GOT1: variants seen among roughly 807,000 people sequenced by gnomAD.
The protein encoded by GOT1 is glutamic-oxaloacetic transaminase 1, also known as aspartate aminotransferase, cytoplasmic.
A neutral mutation model predicts 48.2 loss-of-function variants in GOT1; 25 were observed. The ratio of observed to expected loss-of-function variants is 0.52; its 90% CI spans 0.38 to 0.72. The LOEUF (loss-of-function observed/expected upper bound fraction) is 0.72. Among genes scored for constraint, GOT1 ranks in the 30% least tolerant of loss-of-function variants. The probability of loss-of-function intolerance (pLI) is 0.00; values close to 1 mark genes in which losing one functional copy is unlikely to be tolerated. For missense variants in GOT1, 380 were observed against 520.1 expected, an observed-to-expected ratio of 0.73 and a Z score of 2.62; for synonymous variants, 188 against 193.8, an observed-to-expected ratio of 0.97 and a Z score of 0.25.
chr10:99,423,549 CT>C (rs1215320042), intron 1 of GOT1, among the ~76,000 whole-genome samples: 1 of 152,230 alleles, frequency 6.6e-6, no homozygotes, highest in Non-Finnish European at 1.5e-5. Flanking sequence ...GGGCTACAGA[CT>C]GACAGAGCCA....
At chr10:99,407,809 T>G (rs569792724) in intron 2 of GOT1, among the ~76,000 whole-genome samples, 1 of 151,856 alleles carries the variant, frequency 6.6e-6, no homozygotes, top group African/African-American at 2.4e-5. Context: ...ATTTATTTAT[T>G]TTACTTTAAG....
chr10:99,407,081 C>G (rs2032769299), intron 2 of GOT1, among the ~76,000 whole-genome samples: 1 of 152,152 alleles, frequency 6.6e-6, no homozygotes, highest in Non-Finnish European at 1.5e-5. Context: ...TCAAAGTTAC[C>G]AGCTACTGAG....
chr10:99,415,637 C>A (rs192509533), intron 2 of GOT1, among the ~76,000 whole-genome samples: 1 of 151,916 alleles, frequency 6.6e-6, no homozygotes, highest in Non-Finnish European at 1.5e-5. Flanking sequence ...GAGACACAAC[C>A]AAAAAAGAGA....
intron 2 of GOT1, among the ~76,000 whole-genome samples, chr10:99,411,237 T>C (rs770676521): frequency 2.6e-5 from 4 of 152,228 alleles, no homozygotes; most frequent in Non-Finnish European, 5.9e-5. Context: ...TTATGACCCA[T>C]GAGCCCTCCT....
intron 2 of GOT1, among the ~76,000 whole-genome samples, chr10:99,408,591 C>T (rs1047455735): frequency 6.6e-6 from 1 of 152,126 alleles, no homozygotes; most frequent in Non-Finnish European, 1.5e-5. Flanking sequence ...TGGTGGCACA[C>T]ACCTGTAATC....
intron 8 of GOT1, among the ~76,000 whole-genome samples, chr10:99,401,583 C>A (rs2032679409): frequency 6.6e-6 from 1 of 151,836 alleles, no homozygotes; most frequent in Non-Finnish European, 1.5e-5. Flanking sequence ...AGGAGAATAA[C>A]CTGAAGCCGG....
chr10:99,421,282 C>A (rs1005009516), intron 1 of GOT1, among the ~76,000 whole-genome samples: 11 of 152,184 alleles, frequency 7.2e-5, no homozygotes, highest in African/African-American at 2.7e-4. Flanking sequence ...AACCTGGCAC[C>A]TTTAACACAA....
chr10:99,424,738 TA>T (rs927281424), intron 1 of GOT1, among the ~76,000 whole-genome samples: 52 of 151,436 alleles, frequency 3.4e-4, no homozygotes, highest in African/African-American at 1.2e-3. Flanking sequence ...ATACTGTGAC[TA>T]AAAAAAAACT....
chr10:99,405,945 G>A, intron 4 of GOT1, 85 bp from the exon 5 acceptor site: 1 of 843,960 alleles, frequency 1.2e-6, no homozygotes, highest in Non-Finnish European at 2.1e-6. Context: ...AGTGATGGAG[G>A]GCAAAGGGCA....
chr10:99,421,771 A>G (rs1280432598), intron 1 of GOT1, among the ~76,000 whole-genome samples: 2 of 152,078 alleles, frequency 1.3e-5, no homozygotes, highest in African/African-American at 2.4e-5. Context: ...GGTCCTCAAT[A>G]ATCCTACACT....
intron 2 of GOT1, among the ~76,000 whole-genome samples, chr10:99,412,563 T>A (rs2032840455): frequency 6.6e-6 from 1 of 151,826 alleles, no homozygotes; most frequent in African/African-American, 2.4e-5. Flanking sequence ...CTCTGCAGAC[T>A]TAAATGTCCC....
At chr10:99,427,923 C>A (rs2033061933) in intron 1 of GOT1, among the ~76,000 whole-genome samples, 1 of 152,220 alleles carries the variant, frequency 6.6e-6, no homozygotes, top group Non-Finnish European at 1.5e-5. Context: ...GAGTTGTGAG[C>A]ATTCAGTGAG....
chr10:99,400,287 T>C (rs1200286498), intron 8 of GOT1, among the ~76,000 whole-genome samples: 2 of 152,240 alleles, frequency 1.3e-5, no homozygotes, highest in Admixed American at 6.5e-5. Flanking sequence ...ATGTGAGAAT[T>C]GTAGAAACTA....
intron 1 of GOT1, among the ~76,000 whole-genome samples, chr10:99,423,865 A>G (rs2033003324): frequency 6.6e-6 from 1 of 151,830 alleles, no homozygotes; most frequent in African/African-American, 2.4e-5. Context: ...TTTGTTGCCC[A>G]GGCTGGTCTC....
At chr10:99,405,941 G>A in intron 4 of GOT1, 81 bp from the exon 5 acceptor site, 1 of 860,256 alleles carries the variant, frequency 1.2e-6, no homozygotes, top group Non-Finnish European at 2.0e-6. Context: ...GGTCAGTGAT[G>A]GAGGGCAAAG....
At chr10:99,413,713 G>C (rs1418078454) in intron 2 of GOT1, among the ~76,000 whole-genome samples, 7 of 152,146 alleles carry the variant, frequency 4.6e-5, no homozygotes, top group Non-Finnish European at 1.0e-4. Flanking sequence ...ACCCACAAAG[G>C]GAAGCCCGTC....
At chr10:99,418,505 T>C (rs1281760667) in intron 2 of GOT1, among the ~76,000 whole-genome samples, 1 of 150,738 alleles carries the variant, frequency 6.6e-6, no homozygotes, top group African/African-American at 2.4e-5. Context: ...TTTTTTTTTT[T>C]TTTTCTTTTC....
chr10:99,403,685 C>A, intron 6 of GOT1, 39 bp downstream of exon 6: 3 of 1,613,686 alleles, frequency 1.9e-6, no homozygotes, highest in African/African-American at 2.7e-5. Context: ...GGGAGTGATG[C>A]GAGGAGGTGG....
chr10:99,406,666 G>A, intron 3 of GOT1, 60 bp downstream of exon 3: 1 of 1,535,138 alleles, frequency 6.5e-7, no homozygotes, highest in East Asian at 2.3e-5. Flanking sequence ...ACCAGGGAGA[G>A]TCATGAGGAT....
Sources: gnomAD v4.1 joint callset for allele counts (sites outside exome capture counted in the v4.1 genomes callset) on GRCh38, gnomAD v4.1.1 for gene constraint, MANE v1.5 for transcripts, NCBI Gene and HGNC (gene_info 2026-07-23, HGNC 2026-07-21) for gene names.